MACROD2: variants seen among roughly 807,000 people sequenced by gnomAD.
MACROD2 encodes the protein ADP-ribose glycohydrolase MACROD2.
In MACROD2, 36 loss-of-function variants were observed where a neutral mutation model predicts 70.4. The ratio of observed to expected loss-of-function variants is 0.51; its 90% confidence interval spans 0.39 to 0.68. MACROD2 has a LOEUF of 0.68. Among genes scored for constraint, MACROD2 ranks in the 30% least tolerant of loss-of-function variants. The pLI is 0.00. For synonymous variants in MACROD2, 172 were observed against 178.8 expected, an observed-to-expected ratio of 0.96 and a Z score of 0.30; for missense variants, 496 against 538.4, an observed-to-expected ratio of 0.92 and a Z score of 0.78.
chr20:14,707,093 A>T (rs900804611), intron 5 of MACROD2, among the ~76,000 whole-genome samples: 1 of 152,144 alleles, frequency 6.6e-6, no homozygotes, highest in Non-Finnish European at 1.5e-5. Flanking sequence ...CCCAGATTTT[A>T]TAAAATTGTT....
At chr20:14,967,254 G>T (rs1185070901) in intron 5 of MACROD2, among the ~76,000 whole-genome samples, 1 of 152,076 alleles carries the variant, frequency 6.6e-6, no homozygotes, top group African/African-American at 2.4e-5. Context: ...GTGCAATGGT[G>T]CCATCTCTGC....
intron 8 of MACROD2, among the ~76,000 whole-genome samples, chr20:15,507,389 C>CTCCT (rs10659185): frequency 0.63 from 91,964 of 146,688 alleles, 28,832 homozygotes; most frequent in East Asian, 0.74. Flanking sequence ...CCTTCCCTCC[C>CTCCT]TCCTTCCTTC....
At chr20:15,840,523 A>T (rs1339502046) in intron 8 of MACROD2, among the ~76,000 whole-genome samples, 1 of 152,208 alleles carries the variant, frequency 6.6e-6, no homozygotes, top group Non-Finnish European at 1.5e-5. Flanking sequence ...ATTTGCTAAT[A>T]AACTATGGCT....
At chr20:15,524,273 C>T (rs577405499) in intron 8 of MACROD2, among the ~76,000 whole-genome samples, 85 of 151,912 alleles carry the variant, frequency 5.6e-4, no homozygotes, top group African/African-American at 1.9e-3. Context: ...CAACTCCAGC[C>T]CTTTCAGGGG....
intron 2 of MACROD2, among the ~76,000 whole-genome samples, chr20:14,020,488 T>A (rs1160294209): frequency 6.6e-6 from 1 of 152,058 alleles, no homozygotes; most frequent in African/African-American, 2.4e-5. Flanking sequence ...AAAATAAAAT[T>A]AAATTTAAAA....
intron 12 of MACROD2, among the ~76,000 whole-genome samples, chr20:15,937,924 G>A (rs941406857): frequency 2.0e-5 from 3 of 151,954 alleles, no homozygotes; most frequent in African/African-American, 4.8e-5. Flanking sequence ...AGTGGCATTT[G>A]AGGACCACCA....
intron 5 of MACROD2, among the ~76,000 whole-genome samples, chr20:15,122,217 G>C (rs1167342500): frequency 6.6e-6 from 1 of 152,120 alleles, no homozygotes; most frequent in Non-Finnish European, 1.5e-5. Flanking sequence ...GTTTTGAAAT[G>C]GTTATTGGTT....
Position 14,818,431 on chromosome 20 carries a change from C to A in MACROD2, c.418+133472C>A, listed in dbSNP as rs2122198420. Among the ~76,000 whole-genome samples the A allele has an allele frequency of 1.3e-5, 2 of 152,202 alleles. 1 individual carries two copies. Among genetic ancestry groups the A allele is most frequent in the African/African-American group, 4.8e-5 (2 of 41,538 alleles). ...AGCCCGCTGGTCTCTGAGTACCCCC[C>A]TGAAGATGCATTCATATAGAAAAGG... On this transcript the variant is annotated intron_variant, in intron 5 of 17. Coordinates refer to ENST00000684519, the MANE Select transcript of MACROD2 (RefSeq NM_001351661.2).
chr20:15,709,336 A>G (rs2146912398), intron 8 of MACROD2, among the ~76,000 whole-genome samples: 1 of 152,314 alleles, frequency 6.6e-6, no homozygotes. Context: ...GTTTTTTAAT[A>G]TAGAAGACTT....
At chr20:15,206,616 C>CTA (rs1346286254) in intron 5 of MACROD2, among the ~76,000 whole-genome samples, 1 of 151,050 alleles carries the variant, frequency 6.6e-6, no homozygotes, top group Non-Finnish European at 1.5e-5. Flanking sequence ...GCTCTGACCT[C>CTA]TATCACCATG....
intron 8 of MACROD2, among the ~76,000 whole-genome samples, chr20:15,762,852 A>G (rs1167885736): frequency 2.6e-5 from 4 of 152,192 alleles, no homozygotes; most frequent in Admixed American, 2.0e-4. Flanking sequence ...TGTACCATCT[A>G]TAAGGTCTAT....
At chr20:14,082,489 G>A (rs1809720536) in intron 2 of MACROD2, among the ~76,000 whole-genome samples, 1 of 151,738 alleles carries the variant, frequency 6.6e-6, no homozygotes, top group African/African-American at 2.4e-5. Context: ...ACCGCGCCTG[G>A]CCCTCCCATA....
chr20:14,699,639 A>C (rs1046137870), intron 5 of MACROD2, among the ~76,000 whole-genome samples: 1 of 152,178 alleles, frequency 6.6e-6, no homozygotes, highest in African/African-American at 2.4e-5. Flanking sequence ...TCAGTCTCAC[A>C]ACTTGCACTC....
At chr20:15,640,955 CTG>C in intron 8 of MACROD2, among the ~76,000 whole-genome samples, 1 of 152,372 alleles carries the variant, frequency 6.6e-6, no homozygotes, top group East Asian at 1.9e-4. Flanking sequence ...TTAAATTTCA[CTG>C]TCTCACATTC....
intron 8 of MACROD2, among the ~76,000 whole-genome samples, chr20:15,749,605 T>C (rs567879955): frequency 1.3e-5 from 2 of 152,204 alleles, no homozygotes; most frequent in South Asian, 4.1e-4. Flanking sequence ...TATTTATTCT[T>C]AATTTGGCTA....
At chr20:15,031,388 A>C (rs1482749038) in intron 5 of MACROD2, among the ~76,000 whole-genome samples, 3 of 152,150 alleles carry the variant, frequency 2.0e-5, no homozygotes, top group African/African-American at 7.2e-5. Flanking sequence ...CAGTCCTGCC[A>C]TCTGGTGGGT....
At chr20:14,933,536 G>T (rs972677835) in intron 5 of MACROD2, among the ~76,000 whole-genome samples, 1 of 151,908 alleles carries the variant, frequency 6.6e-6, no homozygotes, top group Non-Finnish European at 1.5e-5. Flanking sequence ...GAGATGAGAT[G>T]GGAAGATCGC....
intron 12 of MACROD2, among the ~76,000 whole-genome samples, chr20:15,954,387 A>G (rs965756262): frequency 2.0e-5 from 3 of 152,060 alleles, no homozygotes; most frequent in African/African-American, 7.2e-5. Context: ...TTTTTGGTAA[A>G]GCCACCTCCA....
chr20:14,498,341 A>G (rs1361011796), intron 4 of MACROD2, among the ~76,000 whole-genome samples: 1 of 152,262 alleles, frequency 6.6e-6, no homozygotes, highest in East Asian at 1.9e-4. Context: ...GTGCTGTTAT[A>G]TCATAGATAG....
Sources: gnomAD v4.1 joint callset for allele counts (sites outside exome capture counted in the v4.1 genomes callset) on GRCh38, gnomAD v4.1.1 for gene constraint, MANE v1.5 for transcripts, NCBI Gene and HGNC (gene_info 2026-07-23, HGNC 2026-07-21) for gene names.